Variants in DMTF1 observed in about 807,000 individuals in gnomAD.
DMTF1 encodes the protein cyclin-D-binding Myb-like transcription factor 1.
A neutral mutation model predicts 91.1 loss-of-function variants in DMTF1; 39 were observed. The ratio of observed to expected loss-of-function variants is 0.43; its 90% CI spans 0.33 to 0.56. The LOEUF (loss-of-function observed/expected upper bound fraction) is 0.56. Among genes scored for constraint, DMTF1 ranks in the 20% least tolerant of loss-of-function variants. DMTF1 has a pLI of 0.05. For synonymous variants in DMTF1, 338 were observed against 309.5 expected (o/e 1.09, Z -0.97); for missense variants, 750 against 914.5 (o/e 0.82, Z 2.32).
chr7:87,178,725 C>T (rs1274590452), intron 7 of DMTF1, among the ~76,000 whole-genome samples: 1 of 151,162 alleles, frequency 6.6e-6, no homozygotes, highest in African/African-American at 2.4e-5. Context: ...TCTGGTTTCA[C>T]TATTAAGGTT....
intron 1 of DMTF1, chr7:87,155,434 T>C (rs1275555927): frequency 2.6e-5 from 4 of 152,216 alleles, no homozygotes; most frequent in African/African-American, 9.6e-5. Context: ...TGATATACTT[T>C]TAAATGCTTT....
In DMTF1 at chr7:87,157,684, A is replaced by G. The variant is rs187591609; in HGVS notation, c.-132+5129A>G. On this transcript the variant is annotated intron_variant, in intron 1 of 17. Coordinates refer to ENST00000331242, the MANE Select transcript of DMTF1 (RefSeq NM_001142327.2). ...TCTTTAATTGAATTCTGTGTTAAATAACAGATCCAAGAGTTATTTCTTTAT... is the reference window on the plus strand; with the variant it reads ...TCTTTAATTGAATTCTGTGTTAAATGACAGATCCAAGAGTTATTTCTTTAT... Among the ~76,000 whole-genome samples the G allele has an allele frequency of 2.3e-3, 354 of 152,224 alleles. 1 individual carries two copies. Among genetic ancestry groups the G allele is most frequent in the African/African-American group, 8.1e-3 (337 of 41,558 alleles).
intron 1 of DMTF1, among the ~76,000 whole-genome samples, chr7:87,153,116 C>T (rs1339486315): frequency 1.3e-5 from 2 of 151,806 alleles, no homozygotes; most frequent in African/African-American, 2.4e-5. Flanking sequence ...TGTTCTTTTC[C>T]CTCGTTTGCG....
intron 4 of DMTF1, among the ~76,000 whole-genome samples, chr7:87,169,446 A>G (rs1352770797): frequency 6.6e-6 from 1 of 152,222 alleles, no homozygotes; most frequent in Non-Finnish European, 1.5e-5. Flanking sequence ...CAACAGAACA[A>G]GATCCTGTCA....
At chr7:87,176,157 T>A (rs1324687887) in intron 7 of DMTF1, among the ~76,000 whole-genome samples, 4 of 152,222 alleles carry the variant, frequency 2.6e-5, no homozygotes, top group Non-Finnish European at 2.9e-5. Flanking sequence ...CCCACATTTT[T>A]AAGTTTAATT....
At chr7:87,155,900 G>C (rs1478152354) in intron 1 of DMTF1, among the ~76,000 whole-genome samples, 1 of 152,126 alleles carries the variant, frequency 6.6e-6, no homozygotes, top group African/African-American at 2.4e-5. Context: ...TACACTGTTA[G>C]GTCATTCTTC....
chr7:87,168,065 T>C (rs1794239591), intron 4 of DMTF1, among the ~76,000 whole-genome samples: 1 of 152,216 alleles, frequency 6.6e-6, no homozygotes, highest in African/African-American at 2.4e-5. Context: ...TGAAAGCACA[T>C]GAGCTGCTTA....
intron 11 of DMTF1, chr7:87,185,106 C>T: frequency 4.1e-6 from 1 of 246,866 alleles, no homozygotes; most frequent in Non-Finnish European, 8.2e-6. Context: ...CCATTTCATA[C>T]AAATTCAAAA....
At position 87,188,293 on chromosome 7, in the gene DMTF1, C is replaced by G; in HGVS notation, c.1403C>G (p.Thr468Ser). Reference protein sequence around the residue: ...MAALQIPVQITHVSSADSPAT... With the variant: ...MAALQIPVQISHVSSADSPAT... ...GCATTGCAGATTCCAGTCCAGATCA[C>G]CCATGTTTGTAAGTGTTTGATCTTC... The change falls in exon 13 of 18, where the codon ACC becomes AGC. Residue 468 changes from threonine to serine, a missense_variant. This residue lies in a region of DMTF1 where 410 missense variants were observed against 420.2 expected (regional missense o/e 0.98). Transcript: ENST00000331242. The G allele has an allele frequency of 6.2e-7, 1 of 1,613,810 alleles. No homozygotes were observed.
At chr7:87,153,432 C>T (rs913555137) in intron 1 of DMTF1, among the ~76,000 whole-genome samples, 2 of 152,310 alleles carry the variant, frequency 1.3e-5, no homozygotes, top group East Asian at 3.9e-4. Context: ...TTACCACAAT[C>T]TCCAGAGCAG....
intron 15 of DMTF1, 142 bp from the exon 16 acceptor site, chr7:87,193,583 C>A: frequency 1.1e-6 from 1 of 899,638 alleles, no homozygotes; most frequent in Non-Finnish European, 1.7e-6. Flanking sequence ...AAGGCCCTAG[C>A]AAGTAAAGGA....
In DMTF1 at chr7:87,195,984, G is replaced by A. The variant is rs1311057758; in HGVS notation, c.*844G>A. ...TGTCATCCACTTAGTGTGTTAGCTG[G>A]TGGGGTACAATATAACCTCTCATCT... On this transcript the variant is annotated 3_prime_UTR_variant, in exon 18 of 18. Coordinates refer to ENST00000331242, the MANE Select transcript of DMTF1 (RefSeq NM_001142327.2). 6.6e-6 allele frequency: 1 copy of A among 151,952 alleles called. No individual in the cohort carries two copies. The highest frequency in any genetic ancestry group is 2.4e-5 in the African/African-American group (1 of 41,308). The allele number at this position is 151,952 out of a possible 1,614,324, so 9.4% of individuals were successfully genotyped here. A position where few individuals can be genotyped will look rare whatever the true frequency, so the allele number is the denominator to read the frequency against.
In DMTF1 at chr7:87,193,752, A is replaced by G; in HGVS notation, c.1678A>G (p.Asn560Asp). The change falls in exon 16 of 18, where the codon AAT becomes GAT. Residue 560 changes from asparagine to aspartate, a missense_variant. By Grantham distance (23) the Asn-to-Asp change is conservative (BLOSUM62 1). Around this residue, in one of 3 missense-constraint regions of DMTF1, gnomAD observed 410 missense variants for 420.2 expected, o/e 0.98. Transcript: ENST00000331242. ...SPEHLLNTSD[N>D]VTVQCHTPRV... ...AGAACATTTGTTGAACACAAGTGAT[A>G]ATGTTACAGTGCAGTGTCACACACC... 1.2e-6 allele frequency: 2 copies of G among 1,606,420 alleles called. No individual in the cohort carries two copies. Among genetic ancestry groups the G allele is most frequent in the Non-Finnish European group, 8.5e-7 (1 of 1,176,766 alleles).
At chr7:87,177,928 A>G (rs572049300) in intron 7 of DMTF1, among the ~76,000 whole-genome samples, 16 of 152,262 alleles carry the variant, frequency 1.1e-4, no homozygotes, top group African/African-American at 3.4e-4. Flanking sequence ...CCAATATCTG[A>G]TGGGGCAAGC....
chr7:87,172,975 G>A (rs1426746459), intron 5 of DMTF1, among the ~76,000 whole-genome samples: 1 of 152,216 alleles, frequency 6.6e-6, no homozygotes, highest in African/African-American at 2.4e-5. Context: ...AAAGTTGTCA[G>A]AAAACAATAA....
chr7:87,182,983 C>T (rs1797684554), intron 10 of DMTF1, among the ~76,000 whole-genome samples: 1 of 151,772 alleles, frequency 6.6e-6, no homozygotes, highest in Non-Finnish European at 1.5e-5. Context: ...TTCTGAGCCT[C>T]ACTTCCTTCT....
At chr7:87,181,815 T>C (rs1584391294) in intron 9 of DMTF1, among the ~76,000 whole-genome samples, 1 of 152,172 alleles carries the variant, frequency 6.6e-6, no homozygotes. Flanking sequence ...ATGAATTGTA[T>C]GGATCATGAA....
intron 3 of DMTF1, among the ~76,000 whole-genome samples, chr7:87,165,818 C>T (rs1327136960): frequency 1.3e-5 from 2 of 152,172 alleles, no homozygotes; most frequent in East Asian, 3.8e-4. Flanking sequence ...TCTCTCATCA[C>T]CTGCATCATT....
intron 11 of DMTF1, 169 bp downstream of exon 11, chr7:87,184,794 T>C (rs1562837208): frequency 1.4e-6 from 1 of 734,590 alleles, no homozygotes; most frequent in Non-Finnish European, 2.4e-6. Flanking sequence ...TTTTTTTGTG[T>C]TGTGTTTGTT....
Sources: gnomAD v4.1 joint callset for allele counts (sites outside exome capture counted in the v4.1 genomes callset) on GRCh38, gnomAD v4.1.1 for gene constraint, gnomAD v4.1.1 regional missense constraint, MANE v1.5 for transcripts, NCBI Gene and HGNC (gene_info 2026-07-23, HGNC 2026-07-21) for gene names.